KCNA6: variants seen among roughly 807,000 people sequenced by gnomAD.
KCNA6 encodes human brain potassium channel-2.
A neutral mutation model predicts 29.5 loss-of-function variants in KCNA6; 17 were observed. The ratio of observed to expected loss-of-function variants is 0.58; its 90% confidence interval spans 0.39 to 0.86. The LOEUF (loss-of-function observed/expected upper bound fraction) is 0.86, where lower values mean the gene tolerates loss of function less well. Among genes scored for constraint, KCNA6 ranks in the 40% least tolerant of loss-of-function variants. The pLI is 0.00. For synonymous variants in KCNA6, 296 were observed against 304.7 expected (o/e 0.97, Z 0.30); for missense variants, 450 against 703.4 (o/e 0.64, Z 4.07).
chr12:4,844,696 G>T, the KCNA6 span, among the ~76,000 whole-genome samples: 1 of 152,146 alleles, frequency 6.6e-6, no homozygotes, highest in Admixed American at 6.5e-5. This position sits in a 1 kb window ranked among gnomAD's most constrained non-coding sequence, Gnocchi z 4.0. Context: ...CTGTGACTCT[G>T]CATGATGGGC....
the KCNA6 span, among the ~76,000 whole-genome samples, chr12:4,822,159 CT>C: frequency 1.3e-5 from 2 of 152,088 alleles, no homozygotes; most frequent in South Asian, 2.1e-4. Flanking sequence ...AATTGTGCCC[CT>C]AGCCATGTTT....
exon 1 of KCNA6, chr12:4,812,111 T>G (rs748668999): frequency 5.7e-4 from 100 of 175,024 alleles, no homozygotes; most frequent in Non-Finnish European, 1.0e-3. Flanking sequence ...CTCAACTTGC[T>G]GTTATTCCAG....
chr12:4,835,195 C>T, the KCNA6 span, among the ~76,000 whole-genome samples: 5 of 144,068 alleles, frequency 3.5e-5, no homozygotes, highest in African/African-American at 5.3e-5. Context: ...AGTGCAGTGG[C>T]GCGATCTCTG....
In KCNA6 at chr12:4,810,321, G is replaced by T. The variant is rs550958720; in HGVS notation, c.280G>T (p.Asp94Tyr). 1 of 1,614,088 alleles carries T rather than the reference G, an allele frequency of 6.2e-7. No individual in the cohort carries two copies. The highest frequency in any genetic ancestry group is 8.5e-7 in the Non-Finnish European group (1 of 1,180,024). The change falls in exon 1 of 1, where the codon GAC (aspartate) becomes TAC (tyrosine). Residue 94 changes from aspartate to tyrosine, a missense_variant. Asp to Tyr is a radical substitution (Grantham distance 160). Transcript: ENST00000280684. The surrounding 1 kb of genome is among the most constrained non-coding windows in gnomAD (Gnocchi z 7.5). ...CTTCGACCGCAACCGGCCCAGCTTC[G>T]ACGCCATCCTCTACTACTACCAGTC...
the KCNA6 span, among the ~76,000 whole-genome samples, chr12:4,844,554 A>G: frequency 6.6e-6 from 1 of 152,162 alleles, no homozygotes; most frequent in Non-Finnish European, 1.5e-5. This position sits in a 1 kb window ranked among gnomAD's most constrained non-coding sequence, Gnocchi z 4.0. Flanking sequence ...GTGGGAGGAC[A>G]TGGGGTAACT....
Position 4,810,499 on chromosome 12 carries a change from C to A in KCNA6, c.458C>A (p.Ser153Tyr). 6.2e-7 allele frequency: 1 copy of A among 1,614,198 alleles called. No individual in the cohort carries two copies. The highest frequency in any genetic ancestry group is 1.1e-5 in the South Asian group (1 of 91,080). Residue 153 changes from serine (S) to tyrosine (Y), a missense_variant, in exon 1 of 1, where the codon TCC becomes TAC. Transcript: ENST00000280684. This position sits in a 1 kb window ranked among gnomAD's most constrained non-coding sequence, Gnocchi z 7.5. ...GGCGAGGACGAGAAGCCGCTGCCCT[C>A]CCAGCCCTTCCAGCGCCAGGTGTGG...
downstream of KCNA6, among the ~76,000 whole-genome samples, chr12:4,816,803 G>A (rs537020450): frequency 2.6e-5 from 4 of 152,186 alleles, no homozygotes; most frequent in East Asian, 3.9e-4. Flanking sequence ...AGAAGTGGAC[G>A]GTAACGGCCT....
At chr12:4,845,333 A>T in the KCNA6 span, among the ~76,000 whole-genome samples, 1 of 152,198 alleles carries the variant, frequency 6.6e-6, no homozygotes, top group Non-Finnish European at 1.5e-5. Context: ...AATGGGTATC[A>T]TGGTTTCTTA....
At chr12:4,839,839 C>G in the KCNA6 span, among the ~76,000 whole-genome samples, 1 of 152,272 alleles carries the variant, frequency 6.6e-6, no homozygotes, top group East Asian at 1.9e-4. Flanking sequence ...TTATAATTCC[C>G]ATTTATCAGA....
At chr12:4,847,789 G>A in the KCNA6 span, among the ~76,000 whole-genome samples, 2 of 152,152 alleles carry the variant, frequency 1.3e-5, no homozygotes, top group Non-Finnish European at 2.9e-5. Flanking sequence ...ATACTAAGAA[G>A]CTTACTGGAA....
the KCNA6 span, among the ~76,000 whole-genome samples, chr12:4,829,756 C>T: frequency 2.0e-5 from 3 of 152,118 alleles, no homozygotes; most frequent in Non-Finnish European, 4.4e-5. Context: ...TGGGTACCTC[C>T]AGCCCAAGAA....
At position 4,810,033 on chromosome 12, in the gene KCNA6, C is replaced by T; in HGVS notation, c.-9C>T. ...GTCCTAGTGGCGGGGAGCGCACCTC[C>T]GAGGGGGCATGAGATCGGAGAAATC... On this transcript the variant is annotated 5_prime_UTR_variant, in exon 1 of 1. Transcript: ENST00000280684. This position sits in a 1 kb window ranked among gnomAD's most constrained non-coding sequence, Gnocchi z 7.5. The T allele has an allele frequency of 6.6e-7, 1 of 1,504,292 alleles. No individual in the cohort carries two copies. The highest frequency in any genetic ancestry group is 8.8e-7 in the Non-Finnish European group (1 of 1,132,968). The allele number at this position is 1,504,292 out of a possible 1,614,324, so 93.2% of individuals were successfully genotyped here. A position where few individuals can be genotyped will look rare whatever the true frequency, so the allele number is the denominator to read the frequency against.
chr12:4,823,272 CA>C, the KCNA6 span, among the ~76,000 whole-genome samples: 1 of 152,044 alleles, frequency 6.6e-6, no homozygotes, highest in African/African-American at 2.4e-5. Context: ...AGCATGTAGT[CA>C]GTAGAAAAAT....
At chr12:4,832,211 GA>G in the KCNA6 span, among the ~76,000 whole-genome samples, 2 of 151,980 alleles carry the variant, frequency 1.3e-5, no homozygotes, top group African/African-American at 2.4e-5. Flanking sequence ...GTGGGCTTGG[GA>G]AAACTCAGAC....
the KCNA6 span, among the ~76,000 whole-genome samples, chr12:4,849,489 CTTTTTTTTTTTTT>C: frequency 1.1e-3 from 115 of 101,416 alleles, no homozygotes; most frequent in East Asian, 0.016. Flanking sequence ...GATTTTTGCT[CTTTTTTTTTTTTT>C]TTTTTTTTTT....
the KCNA6 span, among the ~76,000 whole-genome samples, chr12:4,833,009 G>A: frequency 0.16 from 23,634 of 151,994 alleles, 1,930 homozygotes; most frequent in Non-Finnish European, 0.17. Flanking sequence ...CTGTCTCATC[G>A]TTTTTATTCC....
the KCNA6 span, among the ~76,000 whole-genome samples, chr12:4,825,264 T>C: frequency 2.6e-5 from 4 of 152,198 alleles, no homozygotes; most frequent in African/African-American, 9.7e-5. Flanking sequence ...TACGCAACTT[T>C]CCATGGAGAA....
At chr12:4,827,695 T>C in the KCNA6 span, among the ~76,000 whole-genome samples, 1 of 152,202 alleles carries the variant, frequency 6.6e-6, no homozygotes, top group Non-Finnish European at 1.5e-5. Context: ...GCAAAGTGGC[T>C]CTGGGATGGA....
At chr12:4,830,332 G>A in the KCNA6 span, among the ~76,000 whole-genome samples, 3 of 152,156 alleles carry the variant, frequency 2.0e-5, no homozygotes, top group Non-Finnish European at 4.4e-5. Flanking sequence ...TGCATGGCAG[G>A]AGCCAGTAAA....
Sources: allele counts gnomAD v4.1 joint callset (sites outside exome capture counted in the v4.1 genomes callset), GRCh38; gene constraint gnomAD v4.1.1; non-coding constraint Gnocchi (gnomAD v3.1); transcripts MANE v1.5; gene names NCBI Gene and HGNC (gene_info 2026-07-23, HGNC 2026-07-21).